The following CASK variants were observed in gnomAD, a reference collection of about 807,000 sequenced individuals.
The protein encoded by CASK is calcium/calmodulin dependent serine protein kinase, also known as peripheral plasma membrane protein CASK.
A neutral mutation model predicts 82.9 loss-of-function variants in CASK; 4 were observed. That is an observed-to-expected ratio of 0.05 (90% CI 0.02 to 0.11). The LOEUF (loss-of-function observed/expected upper bound fraction) is 0.11, where lower values mean the gene tolerates loss of function less well. CASK is among the 10% of genes least tolerant of loss of function. The probability of loss-of-function intolerance (pLI) is 1.00; values close to 1 mark genes in which losing one functional copy is unlikely to be tolerated. For missense variants in CASK, 358 were observed against 720.9 expected, an observed-to-expected ratio of 0.50 and a Z score of 5.76; for synonymous variants, 259 against 253.5, an observed-to-expected ratio of 1.02 and a Z score of -0.20.
intron 2 of CASK, among the ~76,000 whole-genome samples, chrX:41,816,043 A>G (rs2147893976): frequency 9.0e-6 from 1 of 111,274 alleles, no homozygotes; most frequent in East Asian, 2.8e-4. Flanking sequence ...GTATTTTTGT[A>G]GAGACAGGGT....
At chrX:41,602,719 C>CTTTTT (rs34064822) in intron 12 of CASK, among the ~76,000 whole-genome samples, 1 of 75,199 alleles carries the variant, frequency 1.3e-5, no homozygotes, top group Non-Finnish European at 2.7e-5. Context: ...TGCTTAGCGG[C>CTTTTT]TTTTTTTTTT....
rs759461177 is a variant in CASK at position 41,523,179 on chromosome X, G to A, written c.2604+772C>T. Among the ~76,000 whole-genome samples, 20 of 112,488 alleles carry A rather than the reference G, an allele frequency of 1.8e-4. No individual in the cohort carries two copies. The South Asian group carries it at 5.8e-3, about 33-fold the overall frequency. On this transcript the variant is annotated intron_variant, in intron 26 of 26. Coordinates refer to ENST00000378163, the MANE Select transcript of CASK (RefSeq NM_001367721.1). ...ATGTATTAAATAAGATGGGAAGGTA[G>A]AATTTTACAAAGGAATATACCTCTT...
intron 8 of CASK, among the ~76,000 whole-genome samples, chrX:41,657,039 C>T (rs1184088569): frequency 9.0e-6 from 1 of 111,508 alleles, no homozygotes; most frequent in Admixed American, 9.5e-5. Flanking sequence ...AAAAACGGTC[C>T]ACTAAATTGG....
intron 22 of CASK, among the ~76,000 whole-genome samples, chrX:41,540,573 A>G (rs748282266): frequency 8.9e-6 from 1 of 112,256 alleles, no homozygotes; most frequent in African/African-American, 3.2e-5. Context: ...GAGCGAAGTG[A>G]TTTGCCCAAA....
chrX:41,732,148 T>C (rs903572326), intron 5 of CASK, among the ~76,000 whole-genome samples: 3 of 110,704 alleles, frequency 2.7e-5, no homozygotes, highest in African/African-American at 9.9e-5. Context: ...AATGTGTCTG[T>C]GTGAGTTACA....
chrX:41,530,918 G>T, intron 25 of CASK, 89 bp downstream of exon 25: 1 of 832,393 alleles, frequency 1.2e-6, no homozygotes, highest in Non-Finnish European at 1.8e-6. Flanking sequence ...TATGTGACCT[G>T]TGACTTTCTG....
intron 5 of CASK, among the ~76,000 whole-genome samples, chrX:41,717,817 G>A (rs762697339): frequency 2.7e-5 from 3 of 112,229 alleles, no homozygotes; most frequent in East Asian, 5.6e-4. Context: ...AAGACAGAGG[G>A]TGGACTGGAT....
intron 5 of CASK, among the ~76,000 whole-genome samples, chrX:41,684,599 C>T (rs988037502): frequency 9.0e-6 from 1 of 111,444 alleles, no homozygotes; most frequent in Non-Finnish European, 1.9e-5. Flanking sequence ...CGAGTTCAAG[C>T]GATTCTCGTG....
intron 1 of CASK, among the ~76,000 whole-genome samples, chrX:41,905,261 G>A (rs965529936): frequency 8.9e-6 from 1 of 112,050 alleles, no homozygotes; most frequent in African/African-American, 3.2e-5. Context: ...CCTAGGAATG[G>A]AATTGTTGGG....
Position 41,730,152 on chromosome X carries a change from G to T in CASK, c.429+9232C>A, listed in dbSNP as rs1023882846. ...GTAACTTGCCACTTTGTTAGAGACTGCTTAAAGACTCCTTTTTTTCTTCAC... is the reference window on the plus strand; with the variant it reads ...GTAACTTGCCACTTTGTTAGAGACTTCTTAAAGACTCCTTTTTTTCTTCAC... On this transcript the variant is annotated intron_variant, in intron 5 of 26. Transcript: ENST00000378163. 12 of 122,306 alleles carry T rather than the reference G, an allele frequency of 9.8e-5. No individual in the cohort carries two copies. In the Admixed American group the frequency reaches 1.1e-3, roughly 11 times the overall value. The allele number at this position is 122,306 out of a possible 1,213,427, so 10.1% of individuals were successfully genotyped here.
intron 1 of CASK, among the ~76,000 whole-genome samples, chrX:41,867,435 T>C (rs1008677210): frequency 8.9e-6 from 1 of 112,191 alleles, no homozygotes; most frequent in African/African-American, 3.2e-5. Flanking sequence ...TTGGGGGAGA[T>C]TTTCACTTAT....
chrX:41,816,376 C>G (rs1448827901), intron 2 of CASK, among the ~76,000 whole-genome samples: 1 of 110,369 alleles, frequency 9.1e-6, no homozygotes, highest in African/African-American at 3.3e-5. Flanking sequence ...AACAAGTAGG[C>G]AGAAAATGAA....
At chrX:41,702,192 C>T (rs927293437) in intron 5 of CASK, among the ~76,000 whole-genome samples, 5 of 109,669 alleles carry the variant, frequency 4.6e-5, no homozygotes, top group Non-Finnish European at 9.5e-5. Context: ...TCAAGACGAG[C>T]CTGACCAACA....
chrX:41,775,018 G>A (rs2069324423), intron 3 of CASK, among the ~76,000 whole-genome samples: 1 of 110,537 alleles, frequency 9.0e-6, no homozygotes, highest in Non-Finnish European at 1.9e-5. Flanking sequence ...GGCAACCAAA[G>A]CCAAAATTGA....
chrX:41,618,413 C>A (rs749500605), intron 11 of CASK, among the ~76,000 whole-genome samples: 1 of 111,075 alleles, frequency 9.0e-6, no homozygotes, highest in South Asian at 3.8e-4. Flanking sequence ...AATCCTTCCA[C>A]CTCAGCCTTC....
chrX:41,689,025 A>T (rs1324825512), intron 5 of CASK: 1 of 111,520 alleles, frequency 9.0e-6, no homozygotes, highest in African/African-American at 3.3e-5. Context: ...AACCAAGACG[A>T]GTCTCAGTGT....
chrX:41,919,461 C>T (rs1199555417), intron 1 of CASK: 1 of 112,297 alleles, frequency 8.9e-6, no homozygotes, highest in African/African-American at 3.2e-5. Flanking sequence ...AGAAAGTAGG[C>T]ATTTTTCTAT....
At chrX:41,920,994 A>T (rs1456887189) in intron 1 of CASK, among the ~76,000 whole-genome samples, 1 of 112,168 alleles carries the variant, frequency 8.9e-6, no homozygotes, top group African/African-American at 3.2e-5. Context: ...GGGTGCTCCT[A>T]AGAATGAGGA....
intron 2 of CASK, among the ~76,000 whole-genome samples, chrX:41,836,207 G>T (rs1260991752): frequency 1.8e-5 from 2 of 110,940 alleles, no homozygotes; most frequent in African/African-American, 6.5e-5. Context: ...CTTTAAAAGT[G>T]AAGAAAAACA....
Sources: allele counts gnomAD v4.1 joint callset (sites outside exome capture counted in the v4.1 genomes callset), GRCh38; gene constraint gnomAD v4.1.1; transcripts MANE v1.5; gene names NCBI Gene and HGNC (gene_info 2026-07-23, HGNC 2026-07-21).